Variants in OXR1 observed in about 807,000 individuals in gnomAD.
OXR1 encodes the protein oxidation resistance protein 1.
A neutral mutation model predicts 104.6 loss-of-function variants in OXR1; 41 were observed. The observed-to-expected ratio is 0.39, with a 90% CI of 0.31 to 0.51. The LOEUF is 0.51. Among genes scored for constraint, OXR1 ranks in the 20% least tolerant of loss-of-function variants. The pLI is 0.77. For synonymous variants in OXR1, 348 were observed against 348.4 expected, an observed-to-expected ratio of 1.00 and a Z score of 0.01; for missense variants, 955 against 1,031.9, an observed-to-expected ratio of 0.93 and a Z score of 1.02.
At chr8:106,703,136 T>G (rs1415975402) in intron 8 of OXR1, 46 bp downstream of exon 8, 1 of 1,279,744 alleles carries the variant, frequency 7.8e-7, no homozygotes, top group East Asian at 2.3e-5. Flanking sequence ...TGTATCTAGA[T>G]AGTTGACCCT....
At chr8:106,511,584 T>C (rs1812534781) in intron 2 of OXR1, among the ~76,000 whole-genome samples, 1 of 152,086 alleles carries the variant, frequency 6.6e-6, no homozygotes, top group South Asian at 2.1e-4. Context: ...TGTGTGAATA[T>C]ACAAATGAAT....
intron 2 of OXR1, among the ~76,000 whole-genome samples, chr8:106,368,575 G>C (rs1277460145): frequency 2.0e-5 from 3 of 151,226 alleles, no homozygotes; most frequent in African/African-American, 7.3e-5. Flanking sequence ...AACAGGCCCT[G>C]ATGTGTGTTG....
At chr8:106,405,290 A>G (rs1818192457) in intron 2 of OXR1, among the ~76,000 whole-genome samples, 1 of 149,816 alleles carries the variant, frequency 6.7e-6, no homozygotes, top group African/African-American at 2.4e-5. Flanking sequence ...TCTGCCATCC[A>G]CAAGGTGCAA....
At chr8:106,633,628 G>C (rs1414894822) in intron 3 of OXR1, among the ~76,000 whole-genome samples, 1 of 152,160 alleles carries the variant, frequency 6.6e-6, no homozygotes, top group Non-Finnish European at 1.5e-5. Context: ...GCCAGCAGTT[G>C]CTTCTTTTGA....
chr8:106,550,287 C>A (rs1192633405), intron 3 of OXR1, among the ~76,000 whole-genome samples: 1 of 152,144 alleles, frequency 6.6e-6, no homozygotes, highest in African/African-American at 2.4e-5. Context: ...ACGGAGTGTA[C>A]ACTAGACAAA....
Position 106,684,308 on chromosome 8 carries a change from C to T in OXR1, c.474C>T (p.Pro158=), listed in dbSNP as rs768079163. Reference sequence around the variant, plus strand: ...TTGAGAGCTCTCCATCTCTAAGCCCCGTAAGTCCTCTGTCACCAACATCAT... The same window carrying T: ...TTGAGAGCTCTCCATCTCTAAGCCCTGTAAGTCCTCTGTCACCAACATCAT... ...SSVESSPSLS[P]VSPLSPTSSE... is the part of the protein sequence containing the mutation. The change falls in exon 6 of 17, where the codon CCC becomes CCT. Residue 158 remains proline (P), a synonymous_variant. Coordinates refer to ENST00000517566, the MANE Select transcript of OXR1 (RefSeq NM_001198533.2). 13 of 1,610,260 alleles carry T rather than the reference C, an allele frequency of 8.1e-6. No individual in the cohort carries two copies. Among genetic ancestry groups the T allele is most frequent in the East Asian group, 6.7e-5 (3 of 44,810 alleles).
At chr8:106,530,885 G>A (rs547691589) in intron 3 of OXR1, among the ~76,000 whole-genome samples, 1 of 152,286 alleles carries the variant, frequency 6.6e-6, no homozygotes, top group African/African-American at 2.4e-5. Flanking sequence ...GGACACAGAA[G>A]ATATTAGGTT....
chr8:106,443,982 TAAAC>T (rs1819901490), intron 2 of OXR1, among the ~76,000 whole-genome samples: 1 of 151,786 alleles, frequency 6.6e-6, no homozygotes, highest in African/African-American at 2.4e-5. Context: ...AAAAGGAACT[TAAAC>T]ATATTTACAA....
At chr8:106,308,147 T>C (rs773534804) in intron 1 of OXR1, among the ~76,000 whole-genome samples, 2 of 152,114 alleles carry the variant, frequency 1.3e-5, no homozygotes, top group Non-Finnish European at 2.9e-5. Context: ...ATAGTTTCAA[T>C]CAAGGACAGA....
chr8:106,290,950 G>C (rs1586479887), intron 1 of OXR1, among the ~76,000 whole-genome samples: 1 of 152,052 alleles, frequency 6.6e-6, no homozygotes, highest in Non-Finnish European at 1.5e-5. Context: ...TTGGTATATG[G>C]CCAAAAGAAA....
chr8:106,294,604 CAGAGAGACAGAA>C (rs1812913356), intron 1 of OXR1, among the ~76,000 whole-genome samples: 1 of 151,684 alleles, frequency 6.6e-6, no homozygotes, highest in African/African-American at 2.4e-5. Context: ...AGGAGAGAGA[CAGAGAGACAGAA>C]AGAGAGAGAG....
At chr8:106,284,459 A>C (rs1812410697) in intron 1 of OXR1, among the ~76,000 whole-genome samples, 1 of 152,158 alleles carries the variant, frequency 6.6e-6, no homozygotes, top group African/African-American at 2.4e-5. Context: ...TCTTTGAAGC[A>C]GGGGGTGACA....
intron 6 of OXR1, among the ~76,000 whole-genome samples, chr8:106,689,762 C>T (rs1156975460): frequency 3.9e-5 from 6 of 151,906 alleles, no homozygotes; most frequent in East Asian, 1.9e-4. Flanking sequence ...TTTTTAAAAA[C>T]GTCTCTTTTT....
chr8:106,590,310 C>T (rs1342627367), intron 3 of OXR1, among the ~76,000 whole-genome samples: 3 of 151,640 alleles, frequency 2.0e-5, no homozygotes, highest in East Asian at 1.9e-4. Flanking sequence ...TTGTTTGAGA[C>T]GGAGTCTCGC....
chr8:106,723,390 C>G (rs942906770), intron 11 of OXR1, among the ~76,000 whole-genome samples: 3 of 151,136 alleles, frequency 2.0e-5, no homozygotes, highest in African/African-American at 4.9e-5. Flanking sequence ...CCCAGCTACT[C>G]AGGAGGCTGA....
intron 3 of OXR1, among the ~76,000 whole-genome samples, chr8:106,524,732 G>A (rs775225055): frequency 2.6e-5 from 4 of 152,134 alleles, no homozygotes; most frequent in Non-Finnish European, 4.4e-5. Context: ...AAGCAAAATA[G>A]ACAACAGAGA....
At chr8:106,324,706 A>G (rs755540207) in intron 1 of OXR1, among the ~76,000 whole-genome samples, 3 of 151,942 alleles carry the variant, frequency 2.0e-5, no homozygotes, top group Non-Finnish European at 4.4e-5. Context: ...CCATCTGTTG[A>G]GTGCTTACCC....
At chr8:106,425,688 C>T (rs1420682556) in intron 2 of OXR1, among the ~76,000 whole-genome samples, 1 of 152,110 alleles carries the variant, frequency 6.6e-6, no homozygotes, top group Non-Finnish European at 1.5e-5. Context: ...TTAGCTTCCA[C>T]TCTTTAAAAA....
intron 1 of OXR1, among the ~76,000 whole-genome samples, chr8:106,277,233 G>C (rs1812085566): frequency 2.6e-5 from 4 of 152,148 alleles, no homozygotes; most frequent in African/African-American, 2.4e-5. Flanking sequence ...ATTCTCTTTA[G>C]CACCACCCAA....
Sources: gnomAD v4.1 joint callset for allele counts (sites outside exome capture counted in the v4.1 genomes callset) on GRCh38, gnomAD v4.1.1 for gene constraint, MANE v1.5 for transcripts, NCBI Gene and HGNC (gene_info 2026-07-23, HGNC 2026-07-21) for gene names.